The following PPFIA1 variants were observed in gnomAD, a reference collection of about 807,000 sequenced individuals.
PPFIA1 encodes the protein liprin-alpha-1.
Under a neutral mutation model 149.9 loss-of-function variants are expected in PPFIA1, and 25 were observed. The observed-to-expected ratio is 0.17, with a 90% confidence interval of 0.12 to 0.23. PPFIA1 has a LOEUF of 0.23. Among genes scored for constraint, PPFIA1 ranks in the 10% least tolerant of loss-of-function variants. The pLI is 1.00. For missense variants in PPFIA1, 1,362 were observed against 1,506.5 expected, an observed-to-expected ratio of 0.90 and a Z score of 1.59; for synonymous variants, 549 against 552.8, an observed-to-expected ratio of 0.99 and a Z score of 0.10.
chr11:70,346,137 G>A, intron 15 of PPFIA1: 2 of 332,698 alleles, frequency 6.0e-6, no homozygotes, highest in South Asian at 4.4e-5. Flanking sequence ...TTATATTTAT[G>A]AAGAGACCGG....
At chr11:70,343,019 C>G (rs932587682) in intron 14 of PPFIA1, among the ~76,000 whole-genome samples, 2 of 135,284 alleles carry the variant, frequency 1.5e-5, no homozygotes, top group African/African-American at 5.7e-5. Flanking sequence ...GCGACCTGGA[C>G]TCATTGCAAC....
At chr11:70,367,089 T>C (rs2056979668) in intron 21 of PPFIA1, among the ~76,000 whole-genome samples, 1 of 152,244 alleles carries the variant, frequency 6.6e-6, no homozygotes. Context: ...GGTTAATACT[T>C]CAGTATGAAA....
chr11:70,344,233 G>A (rs958502410), intron 15 of PPFIA1, among the ~76,000 whole-genome samples: 3 of 152,212 alleles, frequency 2.0e-5, no homozygotes, highest in African/African-American at 7.2e-5. Flanking sequence ...GCTGCACCTG[G>A]AAGGCCACAT....
intron 8 of PPFIA1, among the ~76,000 whole-genome samples, chr11:70,331,234 C>CAA (rs59451597): frequency 4.6e-5 from 5 of 109,510 alleles, no homozygotes; most frequent in African/African-American, 9.9e-5. Context: ...GACTCCGTCT[C>CAA]AAAAAAAAAA....
At chr11:70,326,977 A>T (rs2054335737) in intron 7 of PPFIA1, 159 bp downstream of exon 7, 2 of 665,274 alleles carry the variant, frequency 3.0e-6, no homozygotes, top group Admixed American at 3.0e-5. Context: ...GTGCTGTGAA[A>T]CTGCCATAAG....
chr11:70,348,219 G>A lies in PPFIA1; in HGVS notation c.1962G>A (p.Glu654=). Residue 654 remains glutamate (E), a synonymous_variant, in exon 16 of 28, where the codon GAG becomes GAA. Coordinates refer to ENST00000253925, the MANE Select transcript of PPFIA1 (RefSeq NM_003626.5). The part of the protein sequence containing the change: ...RLIQEEKENT[E]QRAEEIESRV... ...TTCAGGAAGAAAAAGAAAATACAGA[G>A]CAGCGGGCAGAGGAGATTGAAAGTC... The A allele has an allele frequency of 6.2e-7, 1 of 1,614,202 alleles. No homozygotes were observed. Among genetic ancestry groups the A allele is most frequent in the Non-Finnish European group, 8.5e-7 (1 of 1,180,036 alleles).
intron 2 of PPFIA1, among the ~76,000 whole-genome samples, chr11:70,317,726 G>T (rs1245619390): frequency 6.6e-6 from 1 of 152,122 alleles, no homozygotes; most frequent in African/African-American, 2.4e-5. Context: ...GGTGGGGCCA[G>T]GTGGGAGCCT....
chr11:70,289,624 C>T (rs991033439), intron 2 of PPFIA1, among the ~76,000 whole-genome samples: 1 of 152,166 alleles, frequency 6.6e-6, no homozygotes. Flanking sequence ...AAAGTAATTA[C>T]CAATTTGATA....
At chr11:70,381,987 C>G in intron 26 of PPFIA1, 101 bp from the exon 27 acceptor site, 1 of 1,001,866 alleles carries the variant, frequency 1.0e-6, no homozygotes, top group South Asian at 1.5e-5. Flanking sequence ...GTAGGCACTG[C>G]TGTAGGTGTG....
Position 70,332,049 on chromosome 11 carries a change from G to A in PPFIA1, c.1167G>A (p.Pro389=), listed in dbSNP as rs771835705. The change falls in exon 9 of 28, where the codon CCG becomes CCA. Residue 389 remains proline (P), a synonymous_variant. Coordinates refer to ENST00000253925, the MANE Select transcript of PPFIA1 (RefSeq NM_003626.5). ...CACTGAGGAAGGCAGAGACGCTCCC[G>A]GAGGTGGAGGCGGAGCTGGCCCAGA... ...QQTLRKAETL[P]EVEAELAQRV... The A allele has an allele frequency of 5.1e-5, 82 of 1,612,590 alleles. No homozygotes were observed. Among genetic ancestry groups the A allele is most frequent in the Admixed American group, 6.7e-5 (4 of 59,808 alleles).
At chr11:70,321,870 AT>A (rs1319740960) in intron 2 of PPFIA1, among the ~76,000 whole-genome samples, 1 of 152,162 alleles carries the variant, frequency 6.6e-6, no homozygotes, top group African/African-American at 2.4e-5. Flanking sequence ...ATGGCTATTT[AT>A]TAATTATTAT....
chr11:70,378,569 T>TTA, intron 26 of PPFIA1: 1 of 547,656 alleles, frequency 1.8e-6, no homozygotes, highest in Non-Finnish European at 2.3e-6. Context: ...ACCACATAAT[T>TTA]TACTGCTCTC....
At chr11:70,368,762 A>G (rs1420760614) in intron 21 of PPFIA1, among the ~76,000 whole-genome samples, 1 of 152,228 alleles carries the variant, frequency 6.6e-6, no homozygotes, top group African/African-American at 2.4e-5. Flanking sequence ...TATTTTGTAG[A>G]TTCCTTTTCT....
At chr11:70,304,840 A>G (rs2052741713) in intron 2 of PPFIA1, among the ~76,000 whole-genome samples, 1 of 152,132 alleles carries the variant, frequency 6.6e-6, no homozygotes, top group Non-Finnish European at 1.5e-5. Context: ...AAGTAGGGAA[A>G]ACACTTTGAT....
At chr11:70,348,048 T>C in intron 15 of PPFIA1, 141 bp from the exon 16 acceptor site, 1 of 634,754 alleles carries the variant, frequency 1.6e-6, no homozygotes, top group Non-Finnish European at 2.7e-6. Flanking sequence ...TAGAACATTT[T>C]TGCTGAAGTG....
At chr11:70,381,575 C>G (rs1312403176) in intron 26 of PPFIA1, among the ~76,000 whole-genome samples, 4 of 152,190 alleles carry the variant, frequency 2.6e-5, no homozygotes, top group Non-Finnish European at 4.4e-5. Context: ...TCCCAGACAC[C>G]CAGCTAGTGC....
chr11:70,348,356 C>T lies in PPFIA1; in HGVS notation c.2099C>T (p.Ser700Phe), dbSNP rs145476630. 1 of 1,614,128 alleles carries T rather than the reference C, an allele frequency of 6.2e-7. No homozygotes were observed. The highest frequency in any genetic ancestry group is 1.3e-5 in the African/African-American group (1 of 75,050). The change falls in exon 16 of 28, where the codon TCC (serine) becomes TTC (phenylalanine). Residue 700 changes from serine (S) to phenylalanine (F), a missense_variant. Physicochemically the swap from Ser to Phe is radical, Grantham distance 155. Transcript: ENST00000253925. Reference protein sequence around the residue: ...ASSSPPGSGRSTPRRIPHSPA... With the variant: ...ASSSPPGSGRFTPRRIPHSPA... ...TCCTCCCCTCCGGGCAGTGGGCGCTCCACCCCACGAAGGATCCCTCACAGC... is the reference window on the plus strand; with the variant it reads ...TCCTCCCCTCCGGGCAGTGGGCGCTTCACCCCACGAAGGATCCCTCACAGC...
intron 15 of PPFIA1, 43 bp downstream of exon 15, chr11:70,343,935 C>G: frequency 6.5e-7 from 1 of 1,527,348 alleles, no homozygotes; most frequent in Non-Finnish European, 9.0e-7. Context: ...GCATGGGTGT[C>G]TCTGAGGAAT....
chr11:70,340,849 A>C (rs941701075), intron 14 of PPFIA1: 3 of 360,300 alleles, frequency 8.3e-6, no homozygotes, highest in Admixed American at 7.1e-5. Flanking sequence ...CAATCTGGCA[A>C]GGCTGGAGCC....
Sources: allele counts gnomAD v4.1 joint callset (sites outside exome capture counted in the v4.1 genomes callset), GRCh38; gene constraint gnomAD v4.1.1; transcripts MANE v1.5; gene names NCBI Gene and HGNC (gene_info 2026-07-23, HGNC 2026-07-21).